GFM1: variants seen among roughly 807,000 people sequenced by gnomAD.
GFM1 encodes the protein elongation factor G, mitochondrial.
A neutral mutation model predicts 96.2 loss-of-function variants in GFM1; 62 were observed. The ratio of observed to expected loss-of-function variants is 0.64; its 90% confidence interval spans 0.53 to 0.80. GFM1 has a LOEUF of 0.80. Ranked by LOEUF, GFM1 falls within the 30% of genes least tolerant of loss-of-function variation. The pLI is 0.00. For missense variants in GFM1, 852 were observed against 916.6 expected, an observed-to-expected ratio of 0.93 and a Z score of 0.91; for synonymous variants, 282 against 312.9, an observed-to-expected ratio of 0.90 and a Z score of 1.04.
chr3:158,689,379 C>G (rs1383098776), intron 15 of GFM1, among the ~76,000 whole-genome samples: 5 of 152,092 alleles, frequency 3.3e-5, no homozygotes, highest in Admixed American at 1.3e-4. Flanking sequence ...AAACTAGAAA[C>G]TTGATCTTCT....
chr3:158,649,854 T>C, intron 5 of GFM1: 1 of 631,612 alleles, frequency 1.6e-6, no homozygotes, highest in African/African-American at 1.8e-5. Context: ...GTGGGGCCCG[T>C]AGTTTGCATT....
chr3:158,681,123 A>G (rs1004434420), intron 13 of GFM1, among the ~76,000 whole-genome samples: 1 of 152,170 alleles, frequency 6.6e-6, no homozygotes, highest in African/African-American at 2.4e-5. Context: ...AGAACAGGCA[A>G]ATATTGATAT....
At chr3:158,669,601 C>T in intron 13 of GFM1, 1 of 1,613,266 alleles carries the variant, frequency 6.2e-7, no homozygotes, top group South Asian at 1.1e-5. Context: ...GTGCAGTTCA[C>T]CTTAACTTGC....
intron 10 of GFM1, among the ~76,000 whole-genome samples, chr3:158,662,186 G>A (rs887913565): frequency 2.0e-5 from 3 of 152,146 alleles, no homozygotes; most frequent in Non-Finnish European, 4.4e-5. Flanking sequence ...GCTTCTCAGA[G>A]TTGTAATTCA....
chr3:158,667,151 C>T (rs1723786855), intron 13 of GFM1: 4 of 1,376,834 alleles, frequency 2.9e-6, no homozygotes, highest in Non-Finnish European at 3.9e-6. Context: ...TGAAAATCAT[C>T]TTTGATTAGA....
At chr3:158,683,361 CTT>C (rs1210150642) in intron 14 of GFM1, among the ~76,000 whole-genome samples, 1 of 152,186 alleles carries the variant, frequency 6.6e-6, no homozygotes, top group Non-Finnish European at 1.5e-5. Flanking sequence ...GAAAAACTAA[CTT>C]AAGTGGTAGG....
chr3:158,693,918 TAAGCCC>T lies in GFM1; in HGVS notation c.*2455_*2460del, dbSNP rs1726458940. ...GCTGAAATATTGCCTGCACTGCGCT[TAAGCCC>T]AAGACATGAAATGAAAAATCTGTGA... is the stretch of plus-strand genomic sequence containing the variant. On this transcript the variant is annotated 3_prime_UTR_variant, in exon 18 of 18. Transcript: ENST00000486715. 6.6e-6 allele frequency: 1 copy of T among 152,154 alleles called. No homozygotes were observed. Among genetic ancestry groups the T allele is most frequent in the Non-Finnish European group, 1.5e-5 (1 of 68,020 alleles). The allele number at this position is 152,154 out of a possible 1,614,324, so 9.4% of individuals were successfully genotyped here.
intron 13 of GFM1, among the ~76,000 whole-genome samples, chr3:158,678,310 G>A (rs190743034): frequency 4.5e-4 from 68 of 152,248 alleles, no homozygotes; most frequent in Admixed American, 2.2e-3. Flanking sequence ...ATTTTGTAAG[G>A]CGATCGCTGC....
At chr3:158,686,911 T>G (rs1403724069) in intron 15 of GFM1, among the ~76,000 whole-genome samples, 10 of 151,846 alleles carry the variant, frequency 6.6e-5, no homozygotes, top group Non-Finnish European at 1.5e-4. Context: ...TTTTGTATTT[T>G]TAGTAGAGAC....
intron 15 of GFM1, chr3:158,684,879 C>T (rs933521687): frequency 1.9e-6 from 1 of 534,202 alleles, no homozygotes; most frequent in Admixed American, 3.4e-5. Context: ...TATTCTCCTA[C>T]ATTCTCTGGG....
At position 158,650,065 on chromosome 3, in the gene GFM1, G is replaced by A. The variant is rs751069628; in HGVS notation, c.689+908G>A. ...ATTGGGATCGCAGGTCTGGCAGGTG[G>A]GCGAATGGCATTGTGATCAGTGAAC... On this transcript the variant is annotated intron_variant, in intron 5 of 17. Coordinates refer to ENST00000486715, the MANE Select transcript of GFM1 (RefSeq NM_024996.7). The A allele has an allele frequency of 2.1e-5, 32 of 1,534,632 alleles. No homozygotes were observed. The Admixed American group carries it at 2.7e-4, about 13-fold the overall frequency.
rs376080679 is a variant in GFM1 at position 158,658,215 on chromosome 3, G to A, written c.1084-707G>A. 1.0e-3 allele frequency among the ~76,000 whole-genome samples: 136 copies of A among 130,168 alleles called. 8 individuals are homozygous for A. In the South Asian group the frequency reaches 0.032, roughly 30 times the overall value. The allele number at this position is 130,168 out of a possible 152,430, so 85.4% of individuals were successfully genotyped here. A position where few individuals can be genotyped will look rare whatever the true frequency, so the allele number is the denominator to read the frequency against. On this transcript the variant is annotated intron_variant, in intron 8 of 17. Coordinates refer to ENST00000486715, the MANE Select transcript of GFM1 (RefSeq NM_024996.7). ...TCTCACCTATTCTGTTGCCCAGGTT[G>A]GAGTGCAGTGGTGCGATCTCGGCTC...
intron 13 of GFM1, chr3:158,667,056 T>G (rs748681533): frequency 6.3e-7 from 1 of 1,591,048 alleles, no homozygotes; most frequent in East Asian, 2.3e-5. Context: ...TCTAATTCAA[T>G]AAAGTCATCA....
intron 13 of GFM1, chr3:158,667,109 T>G (rs750013818): frequency 2.0e-6 from 3 of 1,529,992 alleles, no homozygotes; most frequent in Non-Finnish European, 2.6e-6. Context: ...TGTTTAAAAC[T>G]TAATATCTTT....
chr3:158,672,477 A>G (rs767507222), intron 13 of GFM1: 1 of 1,613,882 alleles, frequency 6.2e-7, no homozygotes, highest in Non-Finnish European at 8.5e-7. Context: ...CGGGATTTCC[A>G]TTCCGGATGA....
chr3:158,652,684 C>T (rs1722394639), intron 6 of GFM1, among the ~76,000 whole-genome samples: 1 of 152,302 alleles, frequency 6.6e-6, no homozygotes, highest in East Asian at 1.9e-4. Flanking sequence ...GGAGCTGCTA[C>T]TGTCATGACC....
intron 15 of GFM1, among the ~76,000 whole-genome samples, chr3:158,686,671 T>C (rs1289377839): frequency 1.3e-5 from 2 of 150,064 alleles, no homozygotes; most frequent in East Asian, 3.9e-4. Flanking sequence ...GTATAATTAA[T>C]TGCCTATTAA....
intron 8 of GFM1, among the ~76,000 whole-genome samples, chr3:158,658,198 AT>A (rs1447236885): frequency 2.6e-5 from 3 of 114,878 alleles, no homozygotes; most frequent in African/African-American, 1.1e-4. Flanking sequence ...AGTCTCACCT[AT>A]TCTGTTGCCC....
rs1311280409 is a variant in GFM1, at chr3:158,693,700, A to G, written c.*2233A>G. On this transcript the variant is annotated 3_prime_UTR_variant, in exon 18 of 18. Coordinates refer to ENST00000486715, the MANE Select transcript of GFM1 (RefSeq NM_024996.7). Reference sequence around the variant, plus strand: ...AATTGTTGGCTAATTCAAATATTACATCCTTGTATTGGACAACAGTAGCAG... The same window carrying G: ...AATTGTTGGCTAATTCAAATATTACGTCCTTGTATTGGACAACAGTAGCAG... 1 of 152,238 alleles carries G rather than the reference A, an allele frequency of 6.6e-6. No homozygotes were observed. Among genetic ancestry groups the G allele is most frequent in the Non-Finnish European group, 1.5e-5 (1 of 68,046 alleles). The allele number at this position is 152,238 out of a possible 1,614,324, so 9.4% of individuals were successfully genotyped here.
Sources: gnomAD v4.1 joint callset for allele counts (sites outside exome capture counted in the v4.1 genomes callset) on GRCh38, gnomAD v4.1.1 for gene constraint, MANE v1.5 for transcripts, NCBI Gene and HGNC (gene_info 2026-07-23, HGNC 2026-07-21) for gene names.